Variants in SGCD observed in about 807,000 individuals in gnomAD.
The protein encoded by SGCD is sarcoglycan delta, also known as delta-sarcoglycan.
Under a neutral mutation model 36.6 loss-of-function variants are expected in SGCD, and 18 were observed. That is an observed-to-expected ratio of 0.49 (90% CI 0.34 to 0.73). SGCD has a LOEUF of 0.73. Ranked by LOEUF, SGCD falls within the 30% of genes least tolerant of loss-of-function variation. The probability of loss-of-function intolerance (pLI) is 0.01; values close to 1 mark genes in which losing one functional copy is unlikely to be tolerated. For missense variants in SGCD, 387 were observed against 346.7 expected, an observed-to-expected ratio of 1.12 and a Z score of -0.92; for synonymous variants, 133 against 130.6, an observed-to-expected ratio of 1.02 and a Z score of -0.12.
the SGCD span, among the ~76,000 whole-genome samples, chr5:155,823,311 A>C: frequency 6.6e-6 from 1 of 151,802 alleles, no homozygotes; most frequent in African/African-American, 2.4e-5. Context: ...GCAGAAAAAA[A>C]AAAAAAAAAA....
chr5:156,079,397 T>C (rs898969244), intron 1 of SGCD, among the ~76,000 whole-genome samples: 3 of 152,156 alleles, frequency 2.0e-5, no homozygotes, highest in Non-Finnish European at 4.4e-5. Flanking sequence ...TATTGCAAAA[T>C]ATAATCATGC....
chr5:156,410,814 C>T (rs1186929663), intron 3 of SGCD, among the ~76,000 whole-genome samples: 1 of 152,136 alleles, frequency 6.6e-6, no homozygotes, highest in Non-Finnish European at 1.5e-5. Flanking sequence ...AAAGGGGCCT[C>T]ATTTTTCTGT....
At chr5:155,916,600 T>G (rs980909073) in intron 1 of SGCD, among the ~76,000 whole-genome samples, 1 of 152,198 alleles carries the variant, frequency 6.6e-6, no homozygotes, top group Non-Finnish European at 1.5e-5. Context: ...AACCTGATTT[T>G]GTGTTTCTTT....
chr5:156,016,090 AC>A (rs1758971628), intron 1 of SGCD, among the ~76,000 whole-genome samples: 1 of 152,142 alleles, frequency 6.6e-6, no homozygotes, highest in Non-Finnish European at 1.5e-5. Flanking sequence ...CACAGTGAGA[AC>A]CCTGATCCCA....
chr5:156,334,703 T>A (rs1181272228), intron 2 of SGCD, among the ~76,000 whole-genome samples: 1 of 147,702 alleles, frequency 6.8e-6, no homozygotes, highest in East Asian at 2.0e-4. Flanking sequence ...TATTCGCTGG[T>A]GTTTATGTTT....
intron 3 of SGCD, among the ~76,000 whole-genome samples, chr5:156,285,729 A>C (rs1415735421): frequency 5.3e-5 from 8 of 152,188 alleles, no homozygotes; most frequent in Non-Finnish European, 8.8e-5. Context: ...CCCTAGAAGA[A>C]AACCTAGGCA....
chr5:156,608,095 G>A (rs1761575280), intron 6 of SGCD, among the ~76,000 whole-genome samples: 1 of 152,152 alleles, frequency 6.6e-6, no homozygotes, highest in African/African-American at 2.4e-5. Context: ...GTTTTTGAAT[G>A]TGTTTGCTCT....
chr5:156,422,796 A>T (rs1773378699), intron 3 of SGCD, among the ~76,000 whole-genome samples: 2 of 151,968 alleles, frequency 1.3e-5, no homozygotes, highest in South Asian at 4.1e-4. Context: ...GATAACCAAA[A>T]TTGTCTTCAG....
chr5:155,928,091 G>A (rs1237548740), intron 1 of SGCD, among the ~76,000 whole-genome samples: 1 of 152,158 alleles, frequency 6.6e-6, no homozygotes, highest in African/African-American at 2.4e-5. Flanking sequence ...TGAATAATTT[G>A]TACTGTTCCA....
chr5:156,152,451 A>G (rs760231031), intron 3 of SGCD, among the ~76,000 whole-genome samples: 28 of 151,648 alleles, frequency 1.8e-4, no homozygotes, highest in Non-Finnish European at 3.7e-4. Context: ...ATGTGTGGCA[A>G]TTAAACTCTT....
intron 3 of SGCD, among the ~76,000 whole-genome samples, chr5:156,139,362 C>A (rs1762524312): frequency 9.7e-6 from 1 of 103,292 alleles, no homozygotes; most frequent in African/African-American, 5.2e-5. Context: ...TGGGCTTTTA[C>A]AGTTCAAATT....
chr5:156,249,762 AC>A (rs1206175335), intron 3 of SGCD, among the ~76,000 whole-genome samples: 1 of 152,094 alleles, frequency 6.6e-6, no homozygotes, highest in Admixed American at 6.5e-5. Flanking sequence ...CCTGCTACAT[AC>A]AAAGAACATA....
intron 6 of SGCD, among the ~76,000 whole-genome samples, chr5:156,606,037 C>A (rs1761432050): frequency 6.6e-6 from 1 of 152,300 alleles, no homozygotes; most frequent in South Asian, 2.1e-4. Context: ...TGTGCAGAAG[C>A]TCTTTAGCTT....
At chr5:155,984,981 G>A (rs1408607887) in intron 1 of SGCD, among the ~76,000 whole-genome samples, 7 of 152,328 alleles carry the variant, frequency 4.6e-5, no homozygotes, top group South Asian at 2.1e-4. Context: ...GCACCTGAGT[G>A]GAGTAGTTGA....
At chr5:156,546,639 A>T (rs1758586269) in intron 4 of SGCD, among the ~76,000 whole-genome samples, 1 of 152,202 alleles carries the variant, frequency 6.6e-6, no homozygotes, top group Non-Finnish European at 1.5e-5. Flanking sequence ...ATGGGTCAAG[A>T]TAATTAGAGA....
chr5:156,050,354 GT>G lies in SGCD; in HGVS notation c.-281-67518del, dbSNP rs555405649. Among the ~76,000 whole-genome samples the G allele has an allele frequency of 1.9e-3, 282 of 146,506 alleles. 10 individuals are homozygous for G. The highest frequency in any genetic ancestry group is 6.8e-3 in the African/African-American group (276 of 40,782). On this transcript the variant is annotated intron_variant, in intron 1 of 9. Coordinates refer to the SGCD transcript ENST00000517913. ...GCTGAAGACTCAGACGCTAGTTAGT[GT>G]TTTTTACTAATAAAGTATTCTTTAA... is the stretch of plus-strand genomic sequence containing the variant.
At chr5:155,838,350 A>C in the SGCD span, among the ~76,000 whole-genome samples, 1 of 152,136 alleles carries the variant, frequency 6.6e-6, no homozygotes, top group Non-Finnish European at 1.5e-5. Context: ...TAAGCCTGTT[A>C]AGTTCCTTTT....
At chr5:156,705,546 C>G in intron 7 of SGCD, among the ~76,000 whole-genome samples, 1 of 152,246 alleles carries the variant, frequency 6.6e-6, no homozygotes, top group Non-Finnish European at 1.5e-5. Context: ...CTGACTGATA[C>G]AAATCCAAAG....
chr5:156,201,542 G>A (rs1764150792), intron 3 of SGCD, among the ~76,000 whole-genome samples: 1 of 152,134 alleles, frequency 6.6e-6, no homozygotes, highest in Non-Finnish European at 1.5e-5. Flanking sequence ...GTTTAACAGA[G>A]AAACCAGTTT....
Sources: gnomAD v4.1 joint callset for allele counts (sites outside exome capture counted in the v4.1 genomes callset) on GRCh38, gnomAD v4.1.1 for gene constraint, MANE v1.5 for transcripts, NCBI Gene and HGNC (gene_info 2026-07-23, HGNC 2026-07-21) for gene names.